The following ADARB2 variants were observed in gnomAD, a reference collection of about 807,000 sequenced individuals.
ADARB2 encodes inactive double-stranded RNA-specific editase B2.
In ADARB2, 25 loss-of-function variants were observed where a neutral mutation model predicts 62.2. The observed-to-expected ratio is 0.40, with a 90% CI of 0.29 to 0.56. The LOEUF is 0.56. ADARB2 is among the 20% of genes least tolerant of loss of function. ADARB2 has a pLI of 0.43. For synonymous variants in ADARB2, 572 were observed against 500.8 expected, an observed-to-expected ratio of 1.14 and a Z score of -1.90; for missense variants, 1,071 against 1,077.4, an observed-to-expected ratio of 0.99 and a Z score of 0.08.
In ADARB2 at chr10:1,373,757, CCA is replaced by C. The variant is rs1832395001; in HGVS notation, c.187+5315_187+5316del. ...CCCTGGAAAATTCCTGATGTGGACT[CCA>C]TGCACCTTTCCTAATGAGACCACGT... is the stretch of plus-strand genomic sequence containing the variant. On this transcript the variant is annotated intron_variant, in intron 2 of 9. Transcript: ENST00000381312. Among the ~76,000 whole-genome samples, 6 of 73,576 alleles carry C rather than the reference CCA, an allele frequency of 8.2e-5. No homozygotes were observed. In the Admixed American group the frequency reaches 9.2e-4, roughly 11 times the overall value. The allele number at this position is 73,576 out of a possible 152,430, so 48.3% of individuals were successfully genotyped here. A position where few individuals can be genotyped will look rare whatever the true frequency, so the allele number is the denominator to read the frequency against.
intron 1 of ADARB2, among the ~76,000 whole-genome samples, chr10:1,728,880 C>A (rs1238968257): frequency 6.6e-6 from 1 of 152,216 alleles, no homozygotes; most frequent in African/African-American, 2.4e-5. Context: ...TTCAGTATCA[C>A]TCAGGGCTGT....
At chr10:1,606,093 T>C (rs574951742) in intron 1 of ADARB2, among the ~76,000 whole-genome samples, 13 of 152,322 alleles carry the variant, frequency 8.5e-5, no homozygotes, top group African/African-American at 2.9e-4. Flanking sequence ...CAATTCAAGA[T>C]CATTCCCGTT....
chr10:1,435,567 A>C (rs569909393), intron 1 of ADARB2, among the ~76,000 whole-genome samples: 166 of 152,278 alleles, frequency 1.1e-3, no homozygotes, highest in African/African-American at 3.7e-3. Flanking sequence ...CCTCTGCACC[A>C]TCCTGCAGTG....
chr10:1,327,831 ACCTCACAGCTCAGTGCCT>A (rs1346729129), intron 3 of ADARB2, among the ~76,000 whole-genome samples: 2,884 of 44,352 alleles, frequency 0.065, 519 homozygotes, highest in African/African-American at 0.23. Flanking sequence ...ACAGCTCAGC[ACCTCACAGCTCAGTGCCT>A]CCTCACAGCT....
At chr10:1,300,937 G>C (rs894883736) in intron 3 of ADARB2, among the ~76,000 whole-genome samples, 1 of 152,200 alleles carries the variant, frequency 6.6e-6, no homozygotes, top group Non-Finnish European at 1.5e-5. Flanking sequence ...GATTGTCAGG[G>C]TTGTGACATG....
chr10:1,523,845 G>A lies in ADARB2; in HGVS notation c.101-144685C>T, dbSNP rs1184189918. Among the ~76,000 whole-genome samples, 7 of 152,036 alleles carry A rather than the reference G, an allele frequency of 4.6e-5. 1 individual carries two copies. Among genetic ancestry groups the A allele is most frequent in the Admixed American group, 1.3e-4 (2 of 15,274 alleles). On this transcript the variant is annotated intron_variant, in intron 1 of 9. Transcript: ENST00000381312. ...CCTTTTAATCTCCTATTTTATAAAT[G>A]CTCTTTTCTGTATAAATGGCCTGCA... is the stretch of plus-strand genomic sequence containing the variant.
At chr10:1,261,652 G>T (rs1831138300) in intron 4 of ADARB2, among the ~76,000 whole-genome samples, 1 of 149,702 alleles carries the variant, frequency 6.7e-6, no homozygotes, top group East Asian at 1.9e-4. Context: ...ACAGGTGCTG[G>T]AGAGGATGTG....
At chr10:1,377,497 G>C (rs559819695) in intron 2 of ADARB2, among the ~76,000 whole-genome samples, 1 of 148,528 alleles carries the variant, frequency 6.7e-6, no homozygotes, top group African/African-American at 2.5e-5. Flanking sequence ...GTGTGTGTGC[G>C]CTCCTGGGGT....
chr10:1,698,022 T>C (rs1206741528), intron 1 of ADARB2, among the ~76,000 whole-genome samples: 4 of 152,180 alleles, frequency 2.6e-5, no homozygotes, highest in Admixed American at 2.6e-4. Context: ...TCAGAAAAAC[T>C]ACACACCTTT....
At chr10:1,597,491 G>A (rs1183337511) in intron 1 of ADARB2, among the ~76,000 whole-genome samples, 1 of 152,180 alleles carries the variant, frequency 6.6e-6, no homozygotes, top group Non-Finnish European at 1.5e-5. Flanking sequence ...AGAGACATAT[G>A]AGGGGCCAAG....
intron 1 of ADARB2, among the ~76,000 whole-genome samples, chr10:1,553,430 C>A (rs1832657315): frequency 6.6e-6 from 1 of 152,162 alleles, no homozygotes; most frequent in Admixed American, 6.5e-5. Flanking sequence ...CCCGACCTCT[C>A]ACTAAAACGT....
chr10:1,668,686 G>A (rs1398618516), intron 1 of ADARB2, among the ~76,000 whole-genome samples: 1 of 152,208 alleles, frequency 6.6e-6, no homozygotes, highest in Non-Finnish European at 1.5e-5. Flanking sequence ...GCACTGTTCT[G>A]CGGCACTTTA....
At chr10:1,420,110 A>G (rs1426934331) in intron 1 of ADARB2, among the ~76,000 whole-genome samples, 1 of 152,244 alleles carries the variant, frequency 6.6e-6, no homozygotes, top group Non-Finnish European at 1.5e-5. Flanking sequence ...AAGCAGGAAC[A>G]TTCGGTGCAT....
At chr10:1,371,779 A>G (rs11250473) in intron 2 of ADARB2, among the ~76,000 whole-genome samples, 38,550 of 112,794 alleles carry the variant, frequency 0.34, 5,450 homozygotes, top group Middle Eastern at 0.45. Flanking sequence ...GCTATTATTA[A>G]AAAGTAAAAA....
intron 1 of ADARB2, among the ~76,000 whole-genome samples, chr10:1,384,401 G>A (rs1832508839): frequency 6.6e-6 from 1 of 152,220 alleles, no homozygotes; most frequent in Non-Finnish European, 1.5e-5. Context: ...GAAGACAGGA[G>A]TGTGTGAAGT....
chr10:1,216,872 G>T, intron 7 of ADARB2, 79 bp downstream of exon 7: 1 of 1,539,640 alleles, frequency 6.5e-7, no homozygotes, highest in Non-Finnish European at 8.7e-7. Context: ...CTCACCAGAA[G>T]TGGGATGCAG....
chr10:1,296,330 G>A (rs1408631670), intron 3 of ADARB2, among the ~76,000 whole-genome samples: 1 of 152,120 alleles, frequency 6.6e-6, no homozygotes, highest in Admixed American at 6.5e-5. Context: ...AAAATGTGAA[G>A]GCTCCAGGAA....
chr10:1,185,392 TCAGGCACCTTTG>T lies in ADARB2; in HGVS notation c.1865-365_1865-354del, dbSNP rs1166449545. Reference sequence around the variant, plus strand: ...TGGAAGTGATCTGAGAGTGTGTTTATCAGGCACCTTTGCAGGCCCCGCTCTGCTGGAGGCAAA... The same window carrying T: ...TGGAAGTGATCTGAGAGTGTGTTTATCAGGCCCCGCTCTGCTGGAGGCAAA... On this transcript the variant is annotated intron_variant, in intron 8 of 9. Transcript: ENST00000381312. Among the ~76,000 whole-genome samples the T allele has an allele frequency of 2.6e-5, 4 of 152,232 alleles. No individual in the cohort carries two copies. The South Asian group carries it at 8.3e-4, about 32-fold the overall frequency.
chr10:1,302,165 G>A (rs1363954037), intron 3 of ADARB2, among the ~76,000 whole-genome samples: 1 of 152,224 alleles, frequency 6.6e-6, no homozygotes. Flanking sequence ...AGGTCAGTGG[G>A]TGCGCACACC....
Sources: gnomAD v4.1 joint callset for allele counts (sites outside exome capture counted in the v4.1 genomes callset) on GRCh38, gnomAD v4.1.1 for gene constraint, MANE v1.5 for transcripts, NCBI Gene and HGNC (gene_info 2026-07-23, HGNC 2026-07-21) for gene names.